The following PHF14 variants were observed in gnomAD, a reference collection of about 807,000 sequenced individuals.
PHF14 encodes the protein PHD finger protein 14.
Under a neutral mutation model 117.9 loss-of-function variants are expected in PHF14, and 55 were observed. The ratio of observed to expected loss-of-function variants is 0.47; its 90% CI spans 0.38 to 0.58. The LOEUF is 0.58. Among genes scored for constraint, PHF14 ranks in the 20% least tolerant of loss-of-function variants. The pLI is 0.00. For synonymous variants in PHF14, 409 were observed against 368.6 expected (o/e 1.11, Z -1.26); for missense variants, 978 against 1,122.2 (o/e 0.87, Z 1.84).
intron 17 of PHF14, among the ~76,000 whole-genome samples, chr7:11,152,681 A>T (rs1353517540): frequency 6.6e-6 from 1 of 152,184 alleles, no homozygotes; most frequent in Non-Finnish European, 1.5e-5. Context: ...GCTGTCGTGG[A>T]GCATGCACTC....
At chr7:11,027,865 G>A (rs1343316590) in intron 6 of PHF14, among the ~76,000 whole-genome samples, 1 of 151,934 alleles carries the variant, frequency 6.6e-6, no homozygotes, top group African/African-American at 2.4e-5. Flanking sequence ...AGATTGTCCT[G>A]GTTTGAAGCC....
chr7:11,165,218 C>T (rs1033924596), intron 17 of PHF14, among the ~76,000 whole-genome samples: 1 of 152,134 alleles, frequency 6.6e-6, no homozygotes, highest in Non-Finnish European at 1.5e-5. Context: ...CCACTGTAGC[C>T]GGCCGACCTT....
intron 4 of PHF14, among the ~76,000 whole-genome samples, chr7:11,004,397 A>G (rs1022721678): frequency 2.6e-4 from 38 of 144,664 alleles, no homozygotes; most frequent in African/African-American, 9.5e-4. Context: ...ACACAAATAT[A>G]TATTTTTAAT....
chr7:11,155,608 A>C (rs1418666713), intron 17 of PHF14, among the ~76,000 whole-genome samples: 3 of 152,066 alleles, frequency 2.0e-5, no homozygotes, highest in Admixed American at 2.0e-4. Flanking sequence ...CTTTGCTGAA[A>C]TTTTTAGATC....
chr7:11,119,813 G>A (rs1433644284), intron 17 of PHF14, among the ~76,000 whole-genome samples: 4 of 151,800 alleles, frequency 2.6e-5, no homozygotes, highest in South Asian at 2.1e-4. Context: ...AAGAAAATTC[G>A]AAAAATGAAC....
At chr7:11,158,354 G>T (rs1397478755) in intron 17 of PHF14, among the ~76,000 whole-genome samples, 1 of 152,072 alleles carries the variant, frequency 6.6e-6, no homozygotes, top group Non-Finnish European at 1.5e-5. Context: ...TGATTAGATT[G>T]AGTTTGTGCC....
At chr7:11,006,505 T>G (rs1783103899) in intron 4 of PHF14, 1 of 558,896 alleles carries the variant, frequency 1.8e-6, no homozygotes, top group Non-Finnish European at 3.5e-6. Context: ...GTTGACACCT[T>G]GGCCACATCA....
In PHF14 at chr7:10,991,060, G is replaced by A. The variant is rs554544376; in HGVS notation, c.1045+213G>A. Among the ~76,000 whole-genome samples, 21 of 151,194 alleles carry A rather than the reference G, an allele frequency of 1.4e-4. No individual in the cohort carries two copies. In the South Asian group the frequency reaches 3.6e-3, roughly 26 times the overall value. The stretch of plus-strand genomic sequence containing the variant: ...GGCTGGAGTGCAGTGGCACAATCTC[G>A]GTTCACTGCAACCTCCACCTCCCAG... On this transcript the variant is annotated intron_variant, in intron 4 of 17. Coordinates refer to ENST00000634607, the MANE Select transcript of PHF14 (RefSeq NM_001007157.2).
At chr7:11,055,947 T>C (rs915513395) in intron 14 of PHF14, among the ~76,000 whole-genome samples, 9 of 152,204 alleles carry the variant, frequency 5.9e-5, no homozygotes, top group African/African-American at 1.7e-4. Flanking sequence ...CTTATTCTTA[T>C]ACTAACTGTT....
intron 17 of PHF14, among the ~76,000 whole-genome samples, chr7:11,137,847 A>G (rs775576077): frequency 1.9e-4 from 29 of 151,740 alleles, no homozygotes; most frequent in Admixed American, 5.3e-4. Flanking sequence ...CGGCCTCCCT[A>G]AAGTGTTGGG....
At chr7:11,061,397 G>A (rs1410439278) in intron 14 of PHF14, 1 of 154,790 alleles carries the variant, frequency 6.5e-6, no homozygotes, top group Non-Finnish European at 1.4e-5. Context: ...AATGTGTGTA[G>A]TATGATCCCA....
At chr7:11,063,357 A>G in intron 16 of PHF14, 2 of 984,186 alleles carry the variant, frequency 2.0e-6, no homozygotes, top group Non-Finnish European at 2.4e-6. Context: ...ATTTTGCAAT[A>G]TGTCGAAAAT....
chr7:10,983,168 AC>A lies in PHF14; in HGVS notation c.900+12del. 1 of 1,577,392 alleles carries A rather than the reference AC, an allele frequency of 6.3e-7. No homozygotes were observed. Among genetic ancestry groups the A allele is most frequent in the East Asian group, 2.2e-5 (1 of 44,614 alleles). ...AAAGCAAGAGTAATGAGGTAGATCA[AC>A]CCAATTTTTATATCTGTCTGTCTGG... is the stretch of plus-strand genomic sequence containing the variant. On this transcript the variant is annotated intron_variant, in intron 3 of 17. Transcript: ENST00000634607.
intron 17 of PHF14, among the ~76,000 whole-genome samples, chr7:11,156,397 A>G (rs1438837714): frequency 6.6e-6 from 1 of 152,222 alleles, no homozygotes; most frequent in African/African-American, 2.4e-5. Flanking sequence ...TTACGTTCCA[A>G]TAAAACTGAA....
At chr7:11,045,791 G>T (rs138507063) in intron 13 of PHF14, among the ~76,000 whole-genome samples, 112 of 152,280 alleles carry the variant, frequency 7.4e-4, no homozygotes, top group Middle Eastern at 3.4e-3. Context: ...AGTGATATAG[G>T]AGTCTGTTGA....
In PHF14 at chr7:10,990,771, T is replaced by C. The variant is rs1213008502; in HGVS notation, c.969T>C (p.Cys323=). ...AAATGGACCATATTCTGATTTGCTG[T>C]GTTTGTCTGGGAGATAATAGTGAGG... ...SQKMDHILIC[C]VCLGDNSEDA... The change falls in exon 4 of 18, where the codon TGT becomes TGC. Residue 323 remains cysteine (C), a synonymous_variant. Transcript: ENST00000634607. 2 of 1,582,006 alleles carry C rather than the reference T, an allele frequency of 1.3e-6. No homozygotes were observed. Among genetic ancestry groups the C allele is most frequent in the East Asian group, 4.5e-5 (2 of 44,022 alleles).
intron 4 of PHF14, among the ~76,000 whole-genome samples, chr7:11,013,137 T>G (rs1783409812): frequency 6.6e-6 from 1 of 152,130 alleles, no homozygotes; most frequent in Non-Finnish European, 1.5e-5. Flanking sequence ...AATTCTTTAA[T>G]GACAACTTGT....
At chr7:11,125,046 A>G (rs958216752) in intron 17 of PHF14, among the ~76,000 whole-genome samples, 2 of 152,128 alleles carry the variant, frequency 1.3e-5, no homozygotes, top group Admixed American at 6.6e-5. Context: ...CCCTTTCTTC[A>G]TGAAATTCAA....
Position 11,040,776 on chromosome 7 carries a change from G to T in PHF14, c.2180+1G>T. 7.1e-7 allele frequency: 1 copy of T among 1,408,294 alleles called. No homozygotes were observed. Among genetic ancestry groups the T allele is most frequent in the Non-Finnish European group, 9.7e-7 (1 of 1,031,450 alleles). 87.2% of individuals were successfully genotyped at this position (1,408,294 alleles called of 1,614,324 possible). A position where few individuals can be genotyped will look rare whatever the true frequency, so the allele number is the denominator to read the frequency against. On this transcript the variant is annotated splice_donor_variant, in intron 12 of 17. Transcript: ENST00000634607. LOFTEE classifies it high-confidence loss of function. ...CTACTCTTCCTGCAGTACTTTATAG[G>T]CAAGTAATGAAATTAATAATGATAG...
Sources: allele counts gnomAD v4.1 joint callset (sites outside exome capture counted in the v4.1 genomes callset), GRCh38; gene constraint gnomAD v4.1.1; transcripts MANE v1.5; gene names NCBI Gene and HGNC (gene_info 2026-07-23, HGNC 2026-07-21).